Variants in TMEM131 observed in about 807,000 individuals in gnomAD.
TMEM131 encodes 2610524E03Rik.
In TMEM131, 66 loss-of-function variants were observed where a neutral mutation model predicts 211.6. The observed-to-expected ratio is 0.31, with a 90% CI of 0.26 to 0.38. The LOEUF is 0.38. Among genes scored for constraint, TMEM131 ranks in the 10% least tolerant of loss-of-function variants. TMEM131 has a pLI of 1.00. For missense variants in TMEM131, 2,036 were observed against 2,299.3 expected (o/e 0.89, Z 2.34); for synonymous variants, 844 against 841.3 (o/e 1.00, Z -0.06).
At chr2:97,839,661 G>A (rs1392993027) in intron 7 of TMEM131, among the ~76,000 whole-genome samples, 1 of 152,200 alleles carries the variant, frequency 6.6e-6, no homozygotes, top group Non-Finnish European at 1.5e-5. Flanking sequence ...ATACATACAA[G>A]GTGGCAAAAG....
At chr2:97,849,613 G>A (rs561027229) in intron 5 of TMEM131, among the ~76,000 whole-genome samples, 1 of 150,342 alleles carries the variant, frequency 6.7e-6, no homozygotes, top group African/African-American at 2.4e-5. Context: ...TTCACTGCAA[G>A]TATACTATAA....
At chr2:97,770,233 T>C (rs10192322) in intron 33 of TMEM131, among the ~76,000 whole-genome samples, 55,760 of 152,028 alleles carry the variant, frequency 0.37, 11,109 homozygotes, top group Middle Eastern at 0.55. Context: ...CCTTCTCCGG[T>C]TATTAAAAAA....
intron 1 of TMEM131, among the ~76,000 whole-genome samples, chr2:97,981,067 A>AAAAAG (rs1679774518): frequency 8.0e-6 from 1 of 125,502 alleles, no homozygotes; most frequent in African/African-American, 3.0e-5. Context: ...AAAAAAAAAA[A>AAAAAG]GTTTAAAAAT....
intron 1 of TMEM131, among the ~76,000 whole-genome samples, chr2:97,961,078 A>C (rs1678793158): frequency 6.6e-6 from 1 of 152,028 alleles, no homozygotes; most frequent in Non-Finnish European, 1.5e-5. Context: ...TTGATGGTCA[A>C]AGACTGAATG....
intron 2 of TMEM131, among the ~76,000 whole-genome samples, chr2:97,926,506 C>T (rs1261829908): frequency 6.6e-6 from 1 of 152,196 alleles, no homozygotes; most frequent in African/African-American, 2.4e-5. Flanking sequence ...GGGCCATATA[C>T]TACATTATAT....
At chr2:97,830,143 A>AC (rs1377823644) in intron 11 of TMEM131, among the ~76,000 whole-genome samples, 2 of 150,170 alleles carry the variant, frequency 1.3e-5, no homozygotes, top group Non-Finnish European at 3.0e-5. Context: ...AAAAAAAAAA[A>AC]AAAAAAAAAA....
intron 2 of TMEM131, among the ~76,000 whole-genome samples, chr2:97,919,621 A>G (rs1450468617): frequency 6.6e-6 from 1 of 152,106 alleles, no homozygotes; most frequent in Admixed American, 6.5e-5. Flanking sequence ...CCCAGGCCGG[A>G]GTGCAATGGC....
chr2:97,832,665 A>G (rs762773205), intron 11 of TMEM131, among the ~76,000 whole-genome samples: 5 of 152,274 alleles, frequency 3.3e-5, no homozygotes, highest in Non-Finnish European at 5.9e-5. Flanking sequence ...AGCACAAATT[A>G]TAATAAAAAT....
At chr2:97,838,426 CTTTTTTTTTTTTTT>C (rs753635047) in intron 7 of TMEM131, among the ~76,000 whole-genome samples, 23 of 89,092 alleles carry the variant, frequency 2.6e-4, no homozygotes, top group South Asian at 1.6e-3. Flanking sequence ...TAAGCTTAAA[CTTTTTTTTTTTTTT>C]TTTTTTTTTT....
intron 18 of TMEM131, 114 bp downstream of exon 18, chr2:97,811,014 G>A (rs1475524949): frequency 1.3e-6 from 1 of 768,266 alleles, no homozygotes; most frequent in African/African-American, 1.7e-5. Context: ...TTTAAGGTAT[G>A]AAACTGGTAA....
At chr2:97,796,620 A>G (rs977332827) in intron 27 of TMEM131, among the ~76,000 whole-genome samples, 3 of 152,232 alleles carry the variant, frequency 2.0e-5, no homozygotes, top group Non-Finnish European at 4.4e-5. Flanking sequence ...CACATTTCAT[A>G]CTGAGAGTAA....
At chr2:97,907,008 T>C (rs1676099360) in intron 3 of TMEM131, 1 of 152,238 alleles carries the variant, frequency 6.6e-6, no homozygotes, top group Non-Finnish European at 1.5e-5. Flanking sequence ...CGAATGAACA[T>C]CCTCATCTTC....
intron 8 of TMEM131, 57 bp from the exon 9 acceptor site, chr2:97,834,982 A>C (rs1242664337): frequency 1.8e-5 from 28 of 1,583,008 alleles, no homozygotes; most frequent in Non-Finnish European, 2.3e-5. Flanking sequence ...CAAAACCACC[A>C]TTTTTTATTG....
intron 3 of TMEM131, among the ~76,000 whole-genome samples, chr2:97,902,670 A>G (rs769845982): frequency 6.6e-6 from 1 of 152,194 alleles, no homozygotes; most frequent in Non-Finnish European, 1.5e-5. Flanking sequence ...AGATTGAAGG[A>G]TATGATACAA....
At chr2:97,985,809 G>A (rs1302597181) in intron 1 of TMEM131, among the ~76,000 whole-genome samples, 2 of 151,974 alleles carry the variant, frequency 1.3e-5, no homozygotes, top group Non-Finnish European at 2.9e-5. Flanking sequence ...AATGATTTGA[G>A]GACAAACAGA....
At chr2:97,907,993 G>C (rs1287975498) in intron 3 of TMEM131, among the ~76,000 whole-genome samples, 1 of 152,212 alleles carries the variant, frequency 6.6e-6, no homozygotes, top group African/African-American at 2.4e-5. Context: ...CTGCTGGAGG[G>C]ACTGTTTTAT....
chr2:97,776,678 T>G (rs1474272121), intron 31 of TMEM131, among the ~76,000 whole-genome samples: 1 of 152,146 alleles, frequency 6.6e-6, no homozygotes, highest in East Asian at 1.9e-4. Context: ...GTTACAGAAG[T>G]GAAAACCAGA....
chr2:97,789,248 G>C (rs1203256877), intron 31 of TMEM131, among the ~76,000 whole-genome samples: 1 of 152,232 alleles, frequency 6.6e-6, no homozygotes, highest in Non-Finnish European at 1.5e-5. Context: ...TTTCTGTTAT[G>C]CTGTCTGTCA....
intron 4 of TMEM131, among the ~76,000 whole-genome samples, chr2:97,886,780 C>T (rs1023844216): frequency 2.6e-5 from 4 of 152,202 alleles, no homozygotes; most frequent in African/African-American, 9.7e-5. Context: ...GGGTGTATGC[C>T]TGCCAGGAGT....
Sources: allele counts gnomAD v4.1 joint callset (sites outside exome capture counted in the v4.1 genomes callset), GRCh38; gene constraint gnomAD v4.1.1; transcripts MANE v1.5; gene names NCBI Gene and HGNC (gene_info 2026-07-23, HGNC 2026-07-21).